Variants in AQP11 observed in about 807,000 individuals in gnomAD.
AQP11 encodes aquaporin-11.
AQP11 carries 20 observed loss-of-function variants against 21.1 expected under a neutral mutation model. That is an observed-to-expected ratio of 0.95 (90% CI 0.67 to 1.38). The LOEUF (loss-of-function observed/expected upper bound fraction) is 1.38. Ranked by LOEUF, AQP11 falls within the 40% of genes most tolerant of loss-of-function variation. AQP11 has a pLI of 0.00. For missense variants in AQP11, 339 were observed against 340.4 expected, an observed-to-expected ratio of 1.00 and a Z score of 0.03; for synonymous variants, 167 against 150.1, an observed-to-expected ratio of 1.11 and a Z score of -0.82.
chr11:77,607,721 C>A (rs4945187), intron 2 of AQP11, among the ~76,000 whole-genome samples: 3 of 150,002 alleles, frequency 2.0e-5, no homozygotes, highest in African/African-American at 7.4e-5. Flanking sequence ...CGAGATCGTA[C>A]CACTGCACTC....
intron 1 of AQP11, among the ~76,000 whole-genome samples, chr11:77,592,967 A>T (rs1958757688): frequency 6.6e-6 from 1 of 152,250 alleles, no homozygotes; most frequent in Non-Finnish European, 1.5e-5. Flanking sequence ...TCCCATTATG[A>T]AACCAAGGTA....
At chr11:77,603,217 A>G (rs946139945) in intron 1 of AQP11, among the ~76,000 whole-genome samples, 2 of 152,170 alleles carry the variant, frequency 1.3e-5, no homozygotes, top group African/African-American at 4.8e-5. Context: ...TACTTTTATT[A>G]TTATTCATTC....
chr11:77,590,605 T>C lies in AQP11; in HGVS notation c.613T>C (p.Tyr205His), dbSNP rs374928017. 1.3e-5 allele frequency: 21 copies of C among 1,611,254 alleles called. No homozygotes were observed. Among genetic ancestry groups the C allele is most frequent in the African/African-American group, 1.3e-5 (1 of 74,818 alleles). ...LLAALITFLV[Y>H]AGGSLTGAVF... ...GGCTGCACTCATCACCTTTTTGGTC[T>C]ATGCAGGTTTGTCATTCTCACCAAA... is the stretch of plus-strand genomic sequence containing the variant. Residue 205 changes from tyrosine (Y) to histidine (H), a missense_variant, in exon 1 of 3, where the codon TAT (tyrosine) becomes CAT (histidine). Physicochemically the swap from Tyr to His is moderately conservative, Grantham distance 83 (BLOSUM62 2). Coordinates refer to ENST00000313578, the MANE Select transcript of AQP11 (RefSeq NM_173039.3).
Position 77,590,009 on chromosome 11 carries a change from G to T in AQP11, c.17G>T (p.Gly6Val), listed in dbSNP as rs1365009572. 5 of 1,496,926 alleles carry T rather than the reference G, an allele frequency of 3.3e-6. No homozygotes were observed. The highest frequency in any genetic ancestry group is 4.4e-6 in the Non-Finnish European group (5 of 1,127,630). 92.7% of individuals were successfully genotyped at this position (1,496,926 alleles called of 1,614,324 possible). A position where few individuals can be genotyped will look rare whatever the true frequency, so the allele number is the denominator to read the frequency against. The change falls in exon 1 of 3, where the codon GGG becomes GTG. Residue 6 changes from glycine to valine, a missense_variant. Gly to Val is a moderately radical substitution (Grantham distance 109, BLOSUM62 -3). Transcript: ENST00000313578. Reference protein sequence around the residue: MSPLLGLRSELQDTCT... With the variant: MSPLLVLRSELQDTCT... ...GACGGAGCCATGTCGCCGCTGCTGGGGCTCCGGTCCGAGCTGCAGGACACC... is the reference window on the plus strand; with the variant it reads ...GACGGAGCCATGTCGCCGCTGCTGGTGCTCCGGTCCGAGCTGCAGGACACC...
chr11:77,607,279 A>G (rs1211203872), intron 2 of AQP11, among the ~76,000 whole-genome samples: 16 of 152,216 alleles, frequency 1.1e-4, no homozygotes, highest in Admixed American at 9.8e-4. Flanking sequence ...GGGAAAAAAT[A>G]AATTATAAAT....
intron 2 of AQP11, among the ~76,000 whole-genome samples, chr11:77,604,862 T>C (rs903401357): frequency 6.6e-6 from 1 of 152,146 alleles, no homozygotes; most frequent in Non-Finnish European, 1.5e-5. Context: ...TTCTACAGAG[T>C]GCTAGTATTT....
At chr11:77,593,585 C>T (rs1265671794) in intron 1 of AQP11, among the ~76,000 whole-genome samples, 2 of 151,508 alleles carry the variant, frequency 1.3e-5, no homozygotes, top group Admixed American at 6.6e-5. Flanking sequence ...TGCAGTGAGC[C>T]GAGATCGAGT....
rs1485461412 is a variant in AQP11 at position 77,609,358 on chromosome 11, C to A, written c.797C>A (p.Thr266Lys). The stretch of plus-strand genomic sequence containing the variant: ...CTTCCATGGCTGCATAACAACCATA[C>A]AATTAATAAAAAGGAATAACTGTTC... ...FFLPWLHNNH[T>K]INKKE is the part of the protein sequence containing the mutation. The change falls in exon 3 of 3, where the codon ACA becomes AAA. Residue 266 changes from threonine (T) to lysine (K), a missense_variant. Transcript: ENST00000313578. 3.7e-6 allele frequency: 6 copies of A among 1,612,160 alleles called. No homozygotes were observed. In the Admixed American group the frequency reaches 1.0e-4, roughly 27 times the overall value.
At chr11:77,595,738 A>G (rs966504719) in intron 1 of AQP11, among the ~76,000 whole-genome samples, 3 of 150,994 alleles carry the variant, frequency 2.0e-5, no homozygotes, top group Non-Finnish European at 4.4e-5. Context: ...CCTGACCAAC[A>G]TGGAGAAACC....
intron 1 of AQP11, among the ~76,000 whole-genome samples, chr11:77,596,487 AATATATGTGTAAAT>A (rs1376334123): frequency 1.9e-4 from 21 of 111,762 alleles, no homozygotes; most frequent in East Asian, 1.3e-3. Context: ...TATATGTGTA[AATATATGTGTAAAT>A]ATATATGTGT....
intron 1 of AQP11, among the ~76,000 whole-genome samples, chr11:77,595,482 AAGCTTTG>A (rs1958773018): frequency 6.6e-6 from 1 of 152,260 alleles, no homozygotes; most frequent in Non-Finnish European, 1.5e-5. Flanking sequence ...ACCAGATGAC[AAGCTTTG>A]AGTCTGTAGA....
intron 1 of AQP11, among the ~76,000 whole-genome samples, chr11:77,596,441 AATT>A (rs1002594142): frequency 4.8e-5 from 5 of 104,118 alleles, no homozygotes; most frequent in African/African-American, 2.0e-4. Context: ...ACTATGTCTC[AATT>A]AAAAAAAAAA....
At position 77,590,039 on chromosome 11, in the gene AQP11, C is replaced by T. The variant is rs766176138; in HGVS notation, c.47C>T (p.Thr16Ile). The change falls in exon 1 of 3, where the codon ACC becomes ATC. Residue 16 changes from threonine (T) to isoleucine (I), a missense_variant. Thr to Ile is a moderately conservative substitution (Grantham distance 89, BLOSUM62 -1). Coordinates refer to ENST00000313578, the MANE Select transcript of AQP11 (RefSeq NM_173039.3). ...CGGTCCGAGCTGCAGGACACCTGCA[C>T]CTCGCTGGGACTGATGCTGTCGGTG... ...GLRSELQDTC[T>I]SLGLMLSVVL... is the part of the protein sequence containing the mutation. The T allele has an allele frequency of 2.6e-6, 4 of 1,567,124 alleles. No individual in the cohort carries two copies. The highest frequency in any genetic ancestry group is 2.3e-5 in the South Asian group (2 of 85,810).
intron 1 of AQP11, chr11:77,591,072 G>A: frequency 1.0e-6 from 1 of 985,220 alleles, no homozygotes; most frequent in Non-Finnish European, 1.2e-6. Context: ...AAATTTTGTA[G>A]TTCCATTTTA....
chr11:77,608,294 T>C (rs1958857921), intron 2 of AQP11, among the ~76,000 whole-genome samples: 1 of 152,244 alleles, frequency 6.6e-6, no homozygotes, highest in African/African-American at 2.4e-5. Flanking sequence ...TCTGTTGTAA[T>C]TCTCAGAAAT....
At chr11:77,607,756 CCT>C (rs1958854968) in intron 2 of AQP11, among the ~76,000 whole-genome samples, 1 of 148,302 alleles carries the variant, frequency 6.7e-6, no homozygotes, top group South Asian at 2.1e-4. Flanking sequence ...GGAGTGTGAC[CCT>C]GTCTCAAAAA....
chr11:77,591,086 C>T (rs1958744867), intron 1 of AQP11: 4 of 983,744 alleles, frequency 4.1e-6, no homozygotes, highest in Non-Finnish European at 4.8e-6. Flanking sequence ...CATTTTAGTC[C>T]TATAAATGAT....
At chr11:77,590,909 A>G in intron 1 of AQP11, 1 of 985,468 alleles carries the variant, frequency 1.0e-6, no homozygotes, top group Non-Finnish European at 1.2e-6. Context: ...AATGGTAGAA[A>G]GGAAAGATAA....
chr11:77,600,840 G>A (rs997660221), intron 1 of AQP11, among the ~76,000 whole-genome samples: 55 of 152,006 alleles, frequency 3.6e-4, no homozygotes, highest in African/African-American at 8.2e-4. Flanking sequence ...GTGAAACCCC[G>A]TCTCTACTAA....
Sources: allele counts gnomAD v4.1 joint callset (sites outside exome capture counted in the v4.1 genomes callset), GRCh38; gene constraint gnomAD v4.1.1; transcripts MANE v1.5; gene names NCBI Gene and HGNC (gene_info 2026-07-23, HGNC 2026-07-21).